The following GYS1 variants were observed in gnomAD, a reference collection of about 807,000 sequenced individuals.
The protein encoded by GYS1 is glycogen [starch] synthase, muscle.
GYS1 carries 60 observed loss-of-function variants against 89.1 expected under a neutral mutation model. That is an observed-to-expected ratio of 0.67 (90% confidence interval 0.55 to 0.84). The LOEUF (loss-of-function observed/expected upper bound fraction) is 0.84. Among genes scored for constraint, GYS1 ranks in the 40% least tolerant of loss-of-function variants. GYS1 has a pLI of 0.00. For missense variants in GYS1, 888 were observed against 1,003.1 expected (o/e 0.89, Z 1.55); for synonymous variants, 366 against 401.7 (o/e 0.91, Z 1.06).
At position 48,982,723 on chromosome 19, in the gene GYS1, TA is replaced by T; in HGVS notation, c.937del (p.Tyr313MetfsTer43). On this transcript the variant is annotated frameshift_variant, in exon 6 of 16. Transcript: ENST00000323798. LOFTEE classifies it high-confidence loss of function. ...RIQEFVRGHF[Y>X]GHLDFNLDKT... The stretch of plus-strand genomic sequence containing the variant: ...CCTAGGTATATGCCCCACGTACCCA[TA>T]AAAATGGCCCCGCACAAACTCCTGG... The T allele has an allele frequency of 1.2e-6, 2 of 1,602,180 alleles. No homozygotes were observed. Among genetic ancestry groups the T allele is most frequent in the Non-Finnish European group, 1.7e-6 (2 of 1,169,384 alleles).
intron 6 of GYS1, 55 bp from the exon 7 acceptor site, chr19:48,982,430 C>A (rs1184170220): frequency 6.2e-7 from 1 of 1,609,960 alleles, no homozygotes. Context: ...CTAGCCCTGG[C>A]CTCAAAACTA....
intron 8 of GYS1, chr19:48,981,328 G>A: frequency 1.7e-6 from 1 of 575,890 alleles, no homozygotes; most frequent in South Asian, 1.9e-5. Flanking sequence ...CAGATGACTT[G>A]CTTGAACCCA....
At chr19:48,984,456 T>C (rs2122515337) in intron 5 of GYS1, among the ~76,000 whole-genome samples, 1 of 149,088 alleles carries the variant, frequency 6.7e-6, no homozygotes, top group South Asian at 2.2e-4. Context: ...AGTGCAGTGG[T>C]GTGATCTCGG....
At chr19:48,990,180 T>C (rs937264309) in intron 2 of GYS1, among the ~76,000 whole-genome samples, 1 of 150,098 alleles carries the variant, frequency 6.7e-6, no homozygotes, top group African/African-American at 2.4e-5. Context: ...ATCCCCAGCC[T>C]GGACCTGTCT....
intron 2 of GYS1, among the ~76,000 whole-genome samples, chr19:48,990,944 G>A (rs554510343): frequency 2.6e-5 from 4 of 152,284 alleles, no homozygotes; most frequent in South Asian, 2.1e-4. Flanking sequence ...ACAGGCACCC[G>A]CCACCACACC....
chr19:48,970,464 T>A, intron 14 of GYS1, 82 bp downstream of exon 14: 2 of 1,161,918 alleles, frequency 1.7e-6, no homozygotes, highest in Middle Eastern at 2.7e-4. Flanking sequence ...ACAAGTAGGA[T>A]GAGACCCTGC....
At position 48,993,151 on chromosome 19, in the gene GYS1, AG is replaced by A. The variant is rs2038968221; in HGVS notation, c.-40del. ...AGGGGGGCTCCGGGGATCTCCAGGT[AG>A]GGACCCCGGAGGTGTCTAGGGAATG... On this transcript the variant is annotated 5_prime_UTR_variant, in exon 1 of 16. Coordinates refer to ENST00000323798, the MANE Select transcript of GYS1 (RefSeq NM_002103.5). 2 of 1,169,154 alleles carry A rather than the reference AG, an allele frequency of 1.7e-6. No homozygotes were observed. 72.4% of individuals were successfully genotyped at this position (1,169,154 alleles called of 1,614,324 possible). A position where few individuals can be genotyped will look rare whatever the true frequency, so the allele number is the denominator to read the frequency against.
intron 8 of GYS1, 157 bp from the exon 9 acceptor site, chr19:48,978,314 C>A: frequency 1.4e-6 from 1 of 690,066 alleles, no homozygotes; most frequent in Non-Finnish European, 2.6e-6. Flanking sequence ...CAACCTCTGC[C>A]TCCCAGGTTC....
In GYS1 at chr19:48,969,376, T is replaced by G. The variant is rs768653661; in HGVS notation, c.2126A>C (p.Asn709Thr). 2 of 1,576,008 alleles carry G rather than the reference T, an allele frequency of 1.3e-6. No individual in the cohort carries two copies. The highest frequency in any genetic ancestry group is 4.7e-5 in the East Asian group (2 of 42,886). ...CTSSTSGSKR[N>T]SVDTATSSSL... ...GCTGGAGGTGGCCGTGTCCACAGAG[T>G]TGCGCTTGCTGCCGCTGGTGGAGGA... Residue 709 changes from asparagine to threonine, a missense_variant, in exon 16 of 16, where the codon AAC becomes ACC. Physicochemically the swap from Asn to Thr is moderately conservative, Grantham distance 65. Transcript: ENST00000323798.
chr19:48,981,444 A>G (rs2038761070), intron 8 of GYS1, 86 bp downstream of exon 8: 1 of 807,598 alleles, frequency 1.2e-6, no homozygotes, highest in Non-Finnish European at 2.2e-6. Flanking sequence ...AACAAAACAA[A>G]AAACTGAGAC....
intron 1 of GYS1, among the ~76,000 whole-genome samples, chr19:48,992,221 C>A (rs1600156520): frequency 6.6e-6 from 1 of 152,132 alleles, no homozygotes; most frequent in Non-Finnish European, 1.5e-5. Context: ...AAGCAACCCC[C>A]CAGACCCTGC....
At chr19:48,980,313 G>A (rs1302277306) in intron 8 of GYS1, among the ~76,000 whole-genome samples, 1 of 151,946 alleles carries the variant, frequency 6.6e-6, no homozygotes, top group East Asian at 1.9e-4. Flanking sequence ...CTTTATTTTT[G>A]CCCAAAAGTA....
intron 2 of GYS1, 145 bp from the exon 3 acceptor site, chr19:48,987,530 A>G (rs1439147582): frequency 4.9e-6 from 3 of 612,886 alleles, no homozygotes; most frequent in East Asian, 5.6e-5. Flanking sequence ...ATCTGCTGCT[A>G]ATTTCTCACC....
chr19:48,982,496 C>T, intron 6 of GYS1, 121 bp from the exon 7 acceptor site: 1 of 1,110,532 alleles, frequency 9.0e-7, no homozygotes, highest in Non-Finnish European at 1.4e-6. Flanking sequence ...AATACAGAGG[C>T]ATCACGGGGC....
Position 48,993,033 on chromosome 19 carries a change from G to A in GYS1, c.80C>T (p.Ala27Val), listed in dbSNP as rs759088871. Residue 27 changes from alanine (A) to valine (V), a missense_variant, in exon 1 of 16, where the codon GCA becomes GTA. By Grantham distance (64) the Ala-to-Val change is moderately conservative. Transcript: ENST00000323798. ...CTCCCAGGCCACTTCGAAGAGCACT[G>A]CGTTCTCCAGGTCGAATTCATCCTC... is the stretch of plus-strand genomic sequence containing the variant. ...DWEDEFDLEN[A>V]VLFEVAWEVA... is the part of the protein sequence containing the mutation. 60 of 1,612,914 alleles carry A rather than the reference G, an allele frequency of 3.7e-5. No individual in the cohort carries two copies. The highest frequency in any genetic ancestry group is 4.5e-5 in the Non-Finnish European group (53 of 1,179,044).
chr19:48,973,212 GAGA>G (rs1303901389), intron 12 of GYS1, among the ~76,000 whole-genome samples: 1 of 152,120 alleles, frequency 6.6e-6, no homozygotes, highest in African/African-American at 2.4e-5. Flanking sequence ...CTGCCGCCAT[GAGA>G]AGAAGCTTCT....
Position 48,987,331 on chromosome 19 carries a change from C to T in GYS1, c.355G>A (p.Val119Met), listed in dbSNP as rs936525122. The stretch of plus-strand genomic sequence containing the variant: ...TCCAGGGCCCAAGCTGAGGCACCCA[C>T]GTCCAGGAGCACCACCAGAGGGCCT... The part of the protein sequence containing the change: ...EGGPLVVLLD[V>M]GASAWALERW... Residue 119 changes from valine to methionine, a missense_variant, in exon 3 of 16, where the codon GTG (valine) becomes ATG (methionine). Val to Met is a conservative substitution (Grantham distance 21). Coordinates refer to ENST00000323798, the MANE Select transcript of GYS1 (RefSeq NM_002103.5). 2.2e-5 allele frequency: 36 copies of T among 1,611,956 alleles called. No individual in the cohort carries two copies. Among genetic ancestry groups the T allele is most frequent in the Non-Finnish European group, 2.9e-5 (34 of 1,179,214 alleles).
intron 8 of GYS1, among the ~76,000 whole-genome samples, chr19:48,979,336 C>CTTTTCTTTTT (rs2038712106): frequency 3.2e-5 from 3 of 92,744 alleles, no homozygotes; most frequent in Non-Finnish European, 4.5e-5. Context: ...TTTTTCTTTT[C>CTTTTCTTTTT]TTTTTTTTTT....
intron 5 of GYS1, among the ~76,000 whole-genome samples, chr19:48,984,468 C>T (rs541565354): frequency 9.7e-5 from 14 of 144,318 alleles, no homozygotes; most frequent in Admixed American, 6.2e-4. Context: ...TGATCTCGGC[C>T]CACTGCAACC....
Sources: gnomAD v4.1 joint callset for allele counts (sites outside exome capture counted in the v4.1 genomes callset) on GRCh38, gnomAD v4.1.1 for gene constraint, MANE v1.5 for transcripts, NCBI Gene and HGNC (gene_info 2026-07-23, HGNC 2026-07-21) for gene names.